The following TULP4 variants were observed in gnomAD, a reference collection of about 807,000 sequenced individuals.
TULP4 encodes the protein TUB like protein 4.
TULP4 carries 16 observed loss-of-function variants against 129.0 expected under a neutral mutation model. That is an observed-to-expected ratio of 0.12 (90% CI 0.08 to 0.19). The LOEUF (loss-of-function observed/expected upper bound fraction) is 0.19. Ranked by LOEUF, TULP4 falls within the 10% of genes least tolerant of loss-of-function variation. TULP4 has a pLI of 1.00. For missense variants in TULP4, 1,842 were observed against 2,059.1 expected, an observed-to-expected ratio of 0.89 and a Z score of 2.04; for synonymous variants, 998 against 854.0, an observed-to-expected ratio of 1.17 and a Z score of -2.94.
intron 1 of TULP4, among the ~76,000 whole-genome samples, chr6:158,236,656 A>G (rs951491742): frequency 6.6e-6 from 1 of 152,172 alleles, no homozygotes; most frequent in African/African-American, 2.4e-5. Flanking sequence ...TTCAGACTCT[A>G]GCTGAAATAG....
At chr6:158,354,897 A>AC (rs1191172662) in intron 1 of TULP4, among the ~76,000 whole-genome samples, 3 of 151,404 alleles carry the variant, frequency 2.0e-5, no homozygotes, top group Non-Finnish European at 4.4e-5. Flanking sequence ...CAAAAAAAAA[A>AC]AAAAAACCAG....
At chr6:158,269,381 A>T (rs1303959299) in intron 1 of TULP4, among the ~76,000 whole-genome samples, 5 of 33,750 alleles carry the variant, frequency 1.5e-4, no homozygotes, top group African/African-American at 4.0e-4. Flanking sequence ...CAGCATTTGT[A>T]AAAAAAAAAA....
intron 1 of TULP4, among the ~76,000 whole-genome samples, chr6:158,340,031 A>G (rs1408111151): frequency 6.6e-6 from 1 of 152,164 alleles, no homozygotes; most frequent in Non-Finnish European, 1.5e-5. Context: ...CAGGCCGTGG[A>G]GCTCAGGATA....
intron 1 of TULP4, among the ~76,000 whole-genome samples, chr6:158,276,387 C>T (rs1778647077): frequency 6.6e-6 from 1 of 151,318 alleles, no homozygotes; most frequent in Admixed American, 6.6e-5. Flanking sequence ...TCACTGCAGC[C>T]TCAAACTCCT....
intron 1 of TULP4, among the ~76,000 whole-genome samples, chr6:158,352,597 A>C (rs1483165902): frequency 6.6e-6 from 1 of 152,098 alleles, no homozygotes; most frequent in Non-Finnish European, 1.5e-5. Context: ...GGGTTTCACC[A>C]TGTTGGCCAG....
At chr6:158,241,358 G>C (rs1777904632) in intron 1 of TULP4, among the ~76,000 whole-genome samples, 1 of 134,730 alleles carries the variant, frequency 7.4e-6, no homozygotes, top group Non-Finnish European at 1.7e-5. Flanking sequence ...CCGGGCAGAG[G>C]CTGCAATCTC....
In TULP4 at chr6:158,510,724, T is replaced by C. The variant is rs1409824983; in HGVS notation, c.*4030T>C. 6.6e-6 allele frequency: 1 copy of C among 152,190 alleles called. No individual in the cohort carries two copies. Among genetic ancestry groups the C allele is most frequent in the Non-Finnish European group, 1.5e-5 (1 of 68,050 alleles). The allele number at this position is 152,190 out of a possible 1,614,324, so 9.4% of individuals were successfully genotyped here. A position where few individuals can be genotyped will look rare whatever the true frequency, so the allele number is the denominator to read the frequency against. ...AGAAGGAGTCTCCACGGGTGTGCCC[T>C]GCTCAGCTGGATGTCCATGAGAACA... On this transcript the variant is annotated 3_prime_UTR_variant, in exon 14 of 14. Coordinates refer to ENST00000367097, the MANE Select transcript of TULP4 (RefSeq NM_020245.5).
intron 2 of TULP4, among the ~76,000 whole-genome samples, chr6:158,424,224 T>G (rs1778423056): frequency 6.6e-6 from 1 of 152,178 alleles, no homozygotes; most frequent in Admixed American, 6.5e-5. Context: ...ACGGTATATT[T>G]GTATATAATC....
At chr6:158,368,057 C>A (rs1776969390) in intron 1 of TULP4, among the ~76,000 whole-genome samples, 1 of 88,378 alleles carries the variant, frequency 1.1e-5, no homozygotes, top group Non-Finnish European at 2.5e-5. Context: ...GCCTGGGTGA[C>A]CCTGTCTCCA....
At chr6:158,487,134 G>C (rs1780090528) in intron 8 of TULP4, among the ~76,000 whole-genome samples, 1 of 152,038 alleles carries the variant, frequency 6.6e-6, no homozygotes, top group African/African-American at 2.4e-5. Flanking sequence ...TATAGTCCCA[G>C]CTACTCGGGA....
intron 1 of TULP4, among the ~76,000 whole-genome samples, chr6:158,243,503 T>G (rs963968030): frequency 6.6e-6 from 1 of 151,622 alleles, no homozygotes; most frequent in Non-Finnish European, 1.5e-5. Flanking sequence ...GGTCCATACA[T>G]TGCAGTTGGA....
intron 6 of TULP4, among the ~76,000 whole-genome samples, chr6:158,462,924 A>G (rs1779472495): frequency 6.6e-6 from 1 of 151,234 alleles, no homozygotes; most frequent in African/African-American, 2.4e-5. Context: ...TAATTTTTGT[A>G]TGTTTTTTTA....
intron 1 of TULP4, among the ~76,000 whole-genome samples, chr6:158,381,068 G>A (rs993594495): frequency 1.2e-4 from 19 of 152,100 alleles, no homozygotes; most frequent in African/African-American, 3.9e-4. Flanking sequence ...TCCTGAAGGT[G>A]GGTGGGTTGT....
At chr6:158,435,286 C>G (rs1778726949) in intron 3 of TULP4, among the ~76,000 whole-genome samples, 1 of 152,174 alleles carries the variant, frequency 6.6e-6, no homozygotes, top group Admixed American at 6.5e-5. Context: ...CTTCCCTCCC[C>G]AGTCAGTGGT....
intron 12 of TULP4, among the ~76,000 whole-genome samples, chr6:158,499,761 A>G (rs1172739398): frequency 6.6e-6 from 1 of 152,074 alleles, no homozygotes; most frequent in Non-Finnish European, 1.5e-5. Flanking sequence ...AGGGCCACCC[A>G]TTTCAGCTTG....
At chr6:158,374,515 A>G (rs1452516990) in intron 1 of TULP4, among the ~76,000 whole-genome samples, 1 of 152,222 alleles carries the variant, frequency 6.6e-6, no homozygotes, top group Non-Finnish European at 1.5e-5. Flanking sequence ...TCACAGGAAT[A>G]GAAGAGTGCA....
At chr6:158,293,909 T>C (rs1456224805) in intron 1 of TULP4, among the ~76,000 whole-genome samples, 1 of 152,228 alleles carries the variant, frequency 6.6e-6, no homozygotes, top group Non-Finnish European at 1.5e-5. Flanking sequence ...AACGAGTGGC[T>C]ACTGAGAGTA....
chr6:158,332,169 C>CAAAAAAAAAAAA (rs1169601263), intron 1 of TULP4, among the ~76,000 whole-genome samples: 3 of 65,328 alleles, frequency 4.6e-5, no homozygotes, highest in African/African-American at 1.8e-4. Context: ...AAGACTCTGT[C>CAAAAAAAAAAAA]AAAAAAAAAA....
intron 1 of TULP4, among the ~76,000 whole-genome samples, chr6:158,344,016 G>A (rs190953292): frequency 6.6e-6 from 1 of 152,122 alleles, no homozygotes; most frequent in African/African-American, 2.4e-5. Context: ...TTCCACCATC[G>A]TGATTTGTTT....
Sources: allele counts gnomAD v4.1 joint callset (sites outside exome capture counted in the v4.1 genomes callset), GRCh38; gene constraint gnomAD v4.1.1; transcripts MANE v1.5; gene names NCBI Gene and HGNC (gene_info 2026-07-23, HGNC 2026-07-21).